The following ADAMTSL3 variants were observed in gnomAD, a reference collection of about 807,000 sequenced individuals.
The protein encoded by ADAMTSL3 is ADAMTS like 3.
Under a neutral mutation model 201.7 loss-of-function variants are expected in ADAMTSL3, and 128 were observed. The ratio of observed to expected loss-of-function variants is 0.63; its 90% confidence interval spans 0.55 to 0.73. ADAMTSL3 has a LOEUF of 0.73. Ranked by LOEUF, ADAMTSL3 falls within the 30% of genes least tolerant of loss-of-function variation. The pLI is 0.00. For missense variants in ADAMTSL3, 1,990 were observed against 2,119.6 expected (o/e 0.94, Z 1.20); for synonymous variants, 738 against 748.4 (o/e 0.99, Z 0.23).
At chr15:83,813,833 T>C (rs2063733065) in intron 5 of ADAMTSL3, among the ~76,000 whole-genome samples, 1 of 152,178 alleles carries the variant, frequency 6.6e-6, no homozygotes, top group East Asian at 1.9e-4. Flanking sequence ...ATTATCCTTA[T>C]CAGGGGTATT....
At chr15:83,848,182 T>TA (rs1002420085) in intron 7 of ADAMTSL3, among the ~76,000 whole-genome samples, 2 of 151,076 alleles carry the variant, frequency 1.3e-5, no homozygotes, top group African/African-American at 2.5e-5. Context: ...ACCAAAAAAA[T>TA]AAAAAAATAA....
intron 16 of ADAMTSL3, among the ~76,000 whole-genome samples, chr15:83,918,977 T>G (rs1337034840): frequency 6.6e-6 from 1 of 152,022 alleles, no homozygotes; most frequent in Non-Finnish European, 1.5e-5. Context: ...GATCTGTCAG[T>G]GGAGTGGGTA....
intron 4 of ADAMTSL3, among the ~76,000 whole-genome samples, chr15:83,791,678 G>A (rs1261912973): frequency 6.6e-6 from 1 of 152,058 alleles, no homozygotes; most frequent in Non-Finnish European, 1.5e-5. Flanking sequence ...CTAACATGGT[G>A]AAACCCCATC....
chr15:83,702,139 G>A (rs2061787009), intron 2 of ADAMTSL3, among the ~76,000 whole-genome samples: 1 of 152,172 alleles, frequency 6.6e-6, no homozygotes, highest in African/African-American at 2.4e-5. Flanking sequence ...CTGCCCTAGA[G>A]ATTTGTGGAA....
chr15:83,744,813 G>A (rs76895242), intron 3 of ADAMTSL3, among the ~76,000 whole-genome samples: 1 of 152,186 alleles, frequency 6.6e-6, no homozygotes. Flanking sequence ...TGTTTGGGGT[G>A]TCTTACATAT....
intron 2 of ADAMTSL3, among the ~76,000 whole-genome samples, chr15:83,677,152 A>G (rs1044283736): frequency 6.6e-6 from 1 of 152,158 alleles, no homozygotes; most frequent in Non-Finnish European, 1.5e-5. Context: ...GTCTGATTTT[A>G]ATCCTTTTAA....
rs111881848 is a variant in ADAMTSL3 at position 83,883,520 on chromosome 15, CTT to C, written c.961-1570_961-1569del. Among the ~76,000 whole-genome samples, 460 of 143,834 alleles carry C rather than the reference CTT, an allele frequency of 3.2e-3. 3 individuals carry two copies. The highest frequency in any genetic ancestry group is 0.011 in the African/African-American group (436 of 39,616). 94.4% of individuals were successfully genotyped at this position (143,834 alleles called of 152,430 possible). On this transcript the variant is annotated intron_variant, in intron 9 of 29. Transcript: ENST00000286744. ...AAAATTTTTTATCCCAATTTTATTT[CTT>C]TTTTTTTTTTCAATTGCATTTTTTA...
chr15:83,924,551 A>G (rs989782267), intron 17 of ADAMTSL3, among the ~76,000 whole-genome samples: 5 of 152,216 alleles, frequency 3.3e-5, no homozygotes, highest in Admixed American at 2.6e-4. Context: ...ATAAACCCCA[A>G]TGAGTAGGTG....
At chr15:83,704,647 AT>A in intron 3 of ADAMTSL3, 139 bp downstream of exon 3, 1 of 1,125,556 alleles carries the variant, frequency 8.9e-7, no homozygotes, top group Non-Finnish European at 1.2e-6. Context: ...CCCTTGAAGG[AT>A]CCCAGAATAT....
intron 23 of ADAMTSL3, among the ~76,000 whole-genome samples, chr15:84,001,107 A>G (rs980263639): frequency 6.6e-6 from 1 of 152,236 alleles, no homozygotes; most frequent in Non-Finnish European, 1.5e-5. Context: ...TTGGACCCCA[A>G]AAAGCCTGCC....
chr15:83,664,044 C>T (rs771690606), intron 2 of ADAMTSL3, among the ~76,000 whole-genome samples: 3 of 152,222 alleles, frequency 2.0e-5, no homozygotes, highest in Admixed American at 1.3e-4. Context: ...GCCTCCATCT[C>T]TCCAGAGGCT....
chr15:84,022,790 C>A (rs780229349), intron 26 of ADAMTSL3, among the ~76,000 whole-genome samples: 7 of 152,176 alleles, frequency 4.6e-5, no homozygotes, highest in Non-Finnish European at 1.0e-4. Flanking sequence ...CTCTCCCACA[C>A]TGGTTATTTG....
chr15:83,686,159 C>T (rs1029192972), intron 2 of ADAMTSL3, among the ~76,000 whole-genome samples: 2 of 152,202 alleles, frequency 1.3e-5, no homozygotes, highest in Admixed American at 6.5e-5. Flanking sequence ...CACTTAAAGA[C>T]GCTTTTCATC....
At chr15:84,009,212 A>C (rs965989266) in intron 23 of ADAMTSL3, among the ~76,000 whole-genome samples, 1 of 152,142 alleles carries the variant, frequency 6.6e-6, no homozygotes, top group African/African-American at 2.4e-5. Flanking sequence ...CTATCAGGCT[A>C]TGACCTGAGC....
At chr15:83,676,202 C>CT (rs1341406653) in intron 2 of ADAMTSL3, among the ~76,000 whole-genome samples, 2 of 151,094 alleles carry the variant, frequency 1.3e-5, no homozygotes, top group East Asian at 1.9e-4. Flanking sequence ...GAGATCTTTT[C>CT]TTTTTTTTCT....
chr15:83,700,545 C>T (rs2061758669), intron 2 of ADAMTSL3, among the ~76,000 whole-genome samples: 1 of 152,192 alleles, frequency 6.6e-6, no homozygotes, highest in East Asian at 1.9e-4. Flanking sequence ...GGGCAGGTCG[C>T]CTGAGATTAG....
intron 3 of ADAMTSL3, among the ~76,000 whole-genome samples, chr15:83,743,519 CAAAAAAAAA>C (rs759218799): frequency 1.4e-4 from 8 of 57,098 alleles, no homozygotes; most frequent in African/African-American, 4.9e-4. Context: ...GACTCCGTCT[CAAAAAAAAA>C]AAAAAAAAAA....
chr15:83,791,692 G>C (rs1367441996), intron 4 of ADAMTSL3, among the ~76,000 whole-genome samples: 7 of 151,810 alleles, frequency 4.6e-5, no homozygotes, highest in African/African-American at 1.7e-4. Context: ...CCCCATCTCT[G>C]CTAAAAGAAT....
intron 25 of ADAMTSL3, among the ~76,000 whole-genome samples, chr15:84,020,848 G>A (rs1355830942): frequency 1.3e-5 from 2 of 152,212 alleles, no homozygotes; most frequent in Non-Finnish European, 2.9e-5. Flanking sequence ...CTCTTCAGAT[G>A]TCTCTGTGAC....
Sources: allele counts gnomAD v4.1 joint callset (sites outside exome capture counted in the v4.1 genomes callset), GRCh38; gene constraint gnomAD v4.1.1; transcripts MANE v1.5; gene names NCBI Gene and HGNC (gene_info 2026-07-23, HGNC 2026-07-21).